Variants in GALNT5 observed in about 807,000 individuals in gnomAD.
The protein encoded by GALNT5 is UDP-GalNAc:polypeptide N-acetylgalactosaminyltransferase 5.
In GALNT5, 72 loss-of-function variants were observed where a neutral mutation model predicts 85.4. That is an observed-to-expected ratio of 0.84 (90% confidence interval 0.70 to 1.03). The LOEUF is 1.03. GALNT5 is among the 50% of genes least tolerant of loss of function. The pLI is 0.00. For missense variants in GALNT5, 1,137 were observed against 1,135.5 expected (o/e 1.00, Z -0.02); for synonymous variants, 404 against 397.0 (o/e 1.02, Z -0.21).
At chr2:157,288,992 G>A (rs1683035527) in intron 3 of GALNT5, among the ~76,000 whole-genome samples, 1 of 152,160 alleles carries the variant, frequency 6.6e-6, no homozygotes, top group Non-Finnish European at 1.5e-5. Flanking sequence ...TGGGTGGTAG[G>A]CTCAAAACTG....
Position 157,286,036 on chromosome 2 carries a change from A to G in GALNT5, c.1643A>G (p.Asp548Gly). 1 of 1,600,602 alleles carries G rather than the reference A, an allele frequency of 6.2e-7. No individual in the cohort carries two copies. The highest frequency in any genetic ancestry group is 8.6e-7 in the Non-Finnish European group (1 of 1,167,730). ...GTAGACTATCTAAAAGATAATTTGG[A>G]TAAATACATGTCCCAGTTTCCAAAA... Reference protein sequence around the residue: ...STKDYLKDNLDKYMSQFPKVR... With the variant: ...STKDYLKDNLGKYMSQFPKVR... Residue 548 changes from aspartate (D) to glycine (G), a missense_variant, in exon 3 of 10, where the codon GAT (aspartate) becomes GGT (glycine). Physicochemically the swap from Asp to Gly is moderately conservative, Grantham distance 94. Coordinates refer to ENST00000259056, the MANE Select transcript of GALNT5 (RefSeq NM_014568.3).
At chr2:157,263,995 G>A (rs1363010682) in intron 1 of GALNT5, among the ~76,000 whole-genome samples, 1 of 152,122 alleles carries the variant, frequency 6.6e-6, no homozygotes, top group Admixed American at 6.5e-5. Flanking sequence ...TTTTACGTCA[G>A]TATGTAAAAT....
intron 1 of GALNT5, among the ~76,000 whole-genome samples, chr2:157,282,761 A>G (rs1280543372): frequency 6.6e-6 from 1 of 152,170 alleles, no homozygotes; most frequent in Non-Finnish European, 1.5e-5. Context: ...AAGTAAAAAC[A>G]TTATTTGTTC....
Position 157,296,463 on chromosome 2 carries a change from T to C in GALNT5, c.1947T>C (p.Ile649=). 1 of 1,609,298 alleles carries C rather than the reference T, an allele frequency of 6.2e-7. No homozygotes were observed. The highest frequency in any genetic ancestry group is 1.1e-5 in the South Asian group (1 of 90,952). ...VWPMNFGWRT[I]PPDVIAKNRI... is the part of the protein sequence containing the mutation. ...CCATGAACTTTGGTTGGAGAACAAT[T>C]CCTCCAGATGTCATTGCAAAAAACA... Residue 649 remains isoleucine (I), a synonymous_variant, in exon 5 of 10, where the codon ATT becomes ATC. Coordinates refer to ENST00000259056, the MANE Select transcript of GALNT5 (RefSeq NM_014568.3).
At chr2:157,288,708 C>T (rs143202000) in intron 3 of GALNT5, among the ~76,000 whole-genome samples, 13 of 152,210 alleles carry the variant, frequency 8.5e-5, no homozygotes, top group Non-Finnish European at 1.6e-4. Context: ...TAAATAGGAA[C>T]GAAACTGTCT....
At chr2:157,275,508 T>C (rs1048244366) in intron 1 of GALNT5, among the ~76,000 whole-genome samples, 16 of 152,176 alleles carry the variant, frequency 1.1e-4, no homozygotes, top group African/African-American at 3.9e-4. Context: ...CATTGAGCAG[T>C]GGTTTGTATT....
chr2:157,277,032 C>T (rs993633841), intron 1 of GALNT5, among the ~76,000 whole-genome samples: 1 of 152,066 alleles, frequency 6.6e-6, no homozygotes, highest in Non-Finnish European at 1.5e-5. Flanking sequence ...TCTTTGTTCT[C>T]GTTGGTTTCA....
rs1227316867 is a variant in GALNT5, at chr2:157,299,670, T to G, written c.2115+5T>G. ...AATATGGAGCTCTCATTCAAGGTAT[T>G]ACCAGGTGTTTCCCAACTTTTCTTT... On this transcript the variant is annotated splice_donor_5th_base_variant and intron_variant, in intron 6 of 9. Transcript: ENST00000259056. 1 of 1,456,822 alleles carries G rather than the reference T, an allele frequency of 6.9e-7. No individual in the cohort carries two copies. The highest frequency in any genetic ancestry group is 1.8e-4 in the Middle Eastern group (1 of 5,616). 90.2% of individuals were successfully genotyped at this position (1,456,822 alleles called of 1,614,324 possible). A position where few individuals can be genotyped will look rare whatever the true frequency, so the allele number is the denominator to read the frequency against.
Position 157,311,953 on chromosome 2 carries a change from T to C in GALNT5, c.*605T>C, listed in dbSNP as rs1478169236. On this transcript the variant is annotated 3_prime_UTR_variant, in exon 10 of 10. Transcript: ENST00000259056. The stretch of plus-strand genomic sequence containing the variant: ...TTGATCTAAATTACATAATGGTTTT[T>C]CCCAATCTGAATCAGTGGAAAAAAA... 1 of 152,136 alleles carries C rather than the reference T, an allele frequency of 6.6e-6. No homozygotes were observed. Among genetic ancestry groups the C allele is most frequent in the African/African-American group, 2.4e-5 (1 of 41,436 alleles). The allele number at this position is 152,136 out of a possible 1,614,324, so 9.4% of individuals were successfully genotyped here.
At chr2:157,271,362 G>T (rs1682581682) in intron 1 of GALNT5, among the ~76,000 whole-genome samples, 1 of 152,144 alleles carries the variant, frequency 6.6e-6, no homozygotes, top group Non-Finnish European at 1.5e-5. Context: ...AAAGAATTTG[G>T]ATTTTTTTCC....
In GALNT5 at chr2:157,294,475, C is replaced by T. The variant is rs1334783103; in HGVS notation, c.1742-1188C>T. Among the ~76,000 whole-genome samples, 4 of 152,176 alleles carry T rather than the reference C, an allele frequency of 2.6e-5. No homozygotes were observed. The East Asian group carries it at 7.7e-4, about 29-fold the overall frequency. ...AAAGTGTCTTCAAGACCCATTCCATCTCCAATAAAGTGGTCCTGGCAGAGG... is the reference window on the plus strand; with the variant it reads ...AAAGTGTCTTCAAGACCCATTCCATTTCCAATAAAGTGGTCCTGGCAGAGG... On this transcript the variant is annotated intron_variant, in intron 3 of 9. Transcript: ENST00000259056.
At position 157,309,084 on chromosome 2, in the gene GALNT5, A is replaced by G. The variant is rs147186696; in HGVS notation, c.2682+356A>G. ...ATGCTTATAAGGAGAGGATATGGGC[A>G]ACACAGGAAGCAGCATGTCTCCTAC... On this transcript the variant is annotated intron_variant, in intron 9 of 9. Transcript: ENST00000259056. Among the ~76,000 whole-genome samples the G allele has an allele frequency of 5.3e-4, 81 of 152,280 alleles. 1 individual carries two copies. Among genetic ancestry groups the G allele is most frequent in the Middle Eastern group, 3.4e-3 (1 of 294 alleles).
chr2:157,294,446 G>A (rs887536697), intron 3 of GALNT5, among the ~76,000 whole-genome samples: 6 of 152,158 alleles, frequency 3.9e-5, no homozygotes, highest in Admixed American at 2.6e-4. Context: ...AGTCAGAGTC[G>A]AGCAAAGTGT....
At chr2:157,296,370 T>C in intron 4 of GALNT5, 24 bp from the exon 5 acceptor site, 1 of 1,587,978 alleles carries the variant, frequency 6.3e-7, no homozygotes. Context: ...CAGATAACAC[T>C]TTGTTTTTCA....
At chr2:157,307,596 C>T (rs996053019) in intron 8 of GALNT5, among the ~76,000 whole-genome samples, 4 of 152,146 alleles carry the variant, frequency 2.6e-5, no homozygotes, top group Non-Finnish European at 5.9e-5. Context: ...GCTGAGACTC[C>T]GCACTTCTAA....
intron 3 of GALNT5, among the ~76,000 whole-genome samples, chr2:157,288,197 C>T (rs1162770393): frequency 6.6e-6 from 1 of 152,090 alleles, no homozygotes. Flanking sequence ...ATAACTGGAC[C>T]CCATATTTGA....
Position 157,299,549 on chromosome 2 carries a change from T to A in GALNT5, c.1999T>A (p.Cys667Ser). ...NRIKETDTIR[C>S]PVMAGGLFSI... is the part of the protein sequence containing the mutation. ...AAAAACAAACTTTTCTTTTTGTAGG[T>A]GCCCTGTCATGGCTGGTGGATTGTT... The change falls in exon 6 of 10, where the codon TGC (cysteine) becomes AGC (serine). Residue 667 changes from cysteine to serine, a missense_variant and splice_region_variant. Cys to Ser is a moderately radical substitution (Grantham distance 112). Coordinates refer to ENST00000259056, the MANE Select transcript of GALNT5 (RefSeq NM_014568.3). The A allele has an allele frequency of 1.3e-6, 2 of 1,581,836 alleles. No individual in the cohort carries two copies. The highest frequency in any genetic ancestry group is 1.1e-5 in the South Asian group (1 of 89,662).
Position 157,312,425 on chromosome 2 carries a change from A to C in GALNT5, c.*1077A>C, listed in dbSNP as rs976534813. 6.6e-6 allele frequency: 1 copy of C among 152,018 alleles called. No individual in the cohort carries two copies. The highest frequency in any genetic ancestry group is 2.4e-5 in the African/African-American group (1 of 41,408). The allele number at this position is 152,018 out of a possible 1,614,324, so 9.4% of individuals were successfully genotyped here. ...GTCTTAGGAAGAGAGTTAAGAAAAA[A>C]TTCCGCTGGACTTGGCCAAAGAAAG... On this transcript the variant is annotated 3_prime_UTR_variant, in exon 10 of 10. Coordinates refer to ENST00000259056, the MANE Select transcript of GALNT5 (RefSeq NM_014568.3).
chr2:157,295,749 A>G lies in GALNT5; in HGVS notation c.1828A>G (p.Lys610Glu), dbSNP rs1405623561. 1 of 1,609,812 alleles carries G rather than the reference A, an allele frequency of 6.2e-7. No individual in the cohort carries two copies. The highest frequency in any genetic ancestry group is 2.2e-5 in the East Asian group (1 of 44,826). Reference sequence around the variant, plus strand: ...TCTGGAAAGAGTTTATTTAAGTAGAAAGAAAGTGGCCTGTCCAGTAATCGA... The same window carrying G: ...TCTGGAAAGAGTTTATTTAAGTAGAGAGAAAGTGGCCTGTCCAGTAATCGA... ...PLLERVYLSR[K>E]KVACPVIEVI... The change falls in exon 4 of 10, where the codon AAG becomes GAG. Residue 610 changes from lysine to glutamate, a missense_variant. Physicochemically the swap from Lys to Glu is moderately conservative, Grantham distance 56. Coordinates refer to ENST00000259056, the MANE Select transcript of GALNT5 (RefSeq NM_014568.3).
Sources: allele counts gnomAD v4.1 joint callset (sites outside exome capture counted in the v4.1 genomes callset), GRCh38; gene constraint gnomAD v4.1.1; transcripts MANE v1.5; gene names NCBI Gene and HGNC (gene_info 2026-07-23, HGNC 2026-07-21).